Variants in KCND2 observed in about 807,000 individuals in gnomAD.
KCND2 encodes A-type voltage-gated potassium channel KCND2.
Under a neutral mutation model 54.4 loss-of-function variants are expected in KCND2, and 16 were observed. The ratio of observed to expected loss-of-function variants is 0.29; its 90% confidence interval spans 0.20 to 0.45. The LOEUF is 0.45. Ranked by LOEUF, KCND2 falls within the 20% of genes least tolerant of loss-of-function variation. The probability of loss-of-function intolerance (pLI) is 1.00; values close to 1 mark genes in which losing one functional copy is unlikely to be tolerated. For missense variants in KCND2, 486 were observed against 824.2 expected (o/e 0.59, Z 5.02); for synonymous variants, 317 against 310.7 (o/e 1.02, Z -0.21).
intron 1 of KCND2, among the ~76,000 whole-genome samples, chr7:120,680,770 A>AT (rs1198151532): frequency 5.9e-5 from 9 of 152,214 alleles, no homozygotes; most frequent in African/African-American, 1.9e-4. Flanking sequence ...AAATCCCTTC[A>AT]TTTTAGAGCA....
intron 1 of KCND2, among the ~76,000 whole-genome samples, chr7:120,661,354 A>G (rs1047598077): frequency 6.6e-6 from 1 of 152,136 alleles, no homozygotes. Context: ...CACCTCAGTA[A>G]AAGAAAAAAG....
intron 1 of KCND2, among the ~76,000 whole-genome samples, chr7:120,416,131 A>G (rs1242473514): frequency 1.3e-5 from 2 of 152,132 alleles, no homozygotes; most frequent in Non-Finnish European, 2.9e-5. Context: ...ACCTGCCCAT[A>G]TCTTCTCTTA....
chr7:120,352,733 T>C (rs1183309591), intron 1 of KCND2, among the ~76,000 whole-genome samples: 1 of 152,112 alleles, frequency 6.6e-6, no homozygotes, highest in East Asian at 1.9e-4. Flanking sequence ...TTTAAACTGG[T>C]AATTAGGTAG....
chr7:120,358,359 T>A (rs907926765), intron 1 of KCND2, among the ~76,000 whole-genome samples: 1 of 152,152 alleles, frequency 6.6e-6, no homozygotes, highest in Non-Finnish European at 1.5e-5. Flanking sequence ...GTTTTGTTTT[T>A]ATTTTCAATG....
Position 120,463,376 on chromosome 7 carries a change from A to G in KCND2, c.1115+187629A>G, listed in dbSNP as rs567573157. On this transcript the variant is annotated intron_variant, in intron 1 of 5. Coordinates refer to ENST00000331113, the MANE Select transcript of KCND2 (RefSeq NM_012281.3). ...ATGTATAATCTCTAAAGTTAGATGCATAGGTATATAAGCAAGCATTAAATT... is the reference window on the plus strand; with the variant it reads ...ATGTATAATCTCTAAAGTTAGATGCGTAGGTATATAAGCAAGCATTAAATT... Among the ~76,000 whole-genome samples, 34 of 140,272 alleles carry G rather than the reference A, an allele frequency of 2.4e-4. No individual in the cohort carries two copies. The South Asian group carries it at 7.6e-3, about 31-fold the overall frequency. The allele number at this position is 140,272 out of a possible 152,430, so 92.0% of individuals were successfully genotyped here.
chr7:120,374,161 A>G (rs1038985465), intron 1 of KCND2, among the ~76,000 whole-genome samples: 1 of 151,706 alleles, frequency 6.6e-6, no homozygotes, highest in Non-Finnish European at 1.5e-5. Context: ...ACCTATTTTT[A>G]ACTTGGAATT....
At chr7:120,403,493 T>G in intron 1 of KCND2, among the ~76,000 whole-genome samples, 1 of 151,164 alleles carries the variant, frequency 6.6e-6, no homozygotes, top group African/African-American at 2.4e-5. Flanking sequence ...TTTTTTTTTT[T>G]TTTTTTTTGG....
chr7:120,498,067 C>T (rs1802875669), intron 1 of KCND2, among the ~76,000 whole-genome samples: 1 of 152,138 alleles, frequency 6.6e-6, no homozygotes, highest in Admixed American at 6.5e-5. Context: ...AAGAGATATC[C>T]ATTTATCAAC....
In KCND2 at chr7:120,349,885, T is replaced by C. The variant is rs556980224; in HGVS notation, c.1115+74138T>C. On this transcript the variant is annotated intron_variant, in intron 1 of 5. Coordinates refer to ENST00000331113, the MANE Select transcript of KCND2 (RefSeq NM_012281.3). ...TGTAATAAGAACAATGAAATCTTAATGATTTTTACTACTTATTCTCTTTAG... is the reference window on the plus strand; with the variant it reads ...TGTAATAAGAACAATGAAATCTTAACGATTTTTACTACTTATTCTCTTTAG... Among the ~76,000 whole-genome samples, 130 of 152,292 alleles carry C rather than the reference T, an allele frequency of 8.5e-4. No homozygotes were observed. The Middle Eastern group carries it at 0.01, about 12-fold the overall frequency.
At chr7:120,334,666 AGGTCACAT>A (rs1213751503) in intron 1 of KCND2, among the ~76,000 whole-genome samples, 1 of 152,310 alleles carries the variant, frequency 6.6e-6, no homozygotes, top group African/African-American at 2.4e-5. Flanking sequence ...GGCTCCACAG[AGGTCACAT>A]GGTTTTCAGT....
chr7:120,433,833 A>T (rs1801829045), intron 1 of KCND2, among the ~76,000 whole-genome samples: 1 of 152,222 alleles, frequency 6.6e-6, no homozygotes, highest in Admixed American at 6.5e-5. Context: ...AAAACATGAA[A>T]TAAAAGAAGT....
At chr7:120,300,770 C>T (rs1229437983) in intron 1 of KCND2, among the ~76,000 whole-genome samples, 1 of 151,998 alleles carries the variant, frequency 6.6e-6, no homozygotes, top group Non-Finnish European at 1.5e-5. Flanking sequence ...TTTTTATAGG[C>T]CAACTTTGCC....
intron 1 of KCND2, among the ~76,000 whole-genome samples, chr7:120,369,829 T>A (rs1800741380): frequency 6.6e-6 from 1 of 152,062 alleles, no homozygotes; most frequent in African/African-American, 2.4e-5. Context: ...TTACTTGGAA[T>A]CAATGAACAA....
intron 1 of KCND2, among the ~76,000 whole-genome samples, chr7:120,670,463 G>C (rs1791977708): frequency 6.6e-6 from 1 of 152,082 alleles, no homozygotes; most frequent in African/African-American, 2.4e-5. Flanking sequence ...CCTGTCATAG[G>C]TCCATGGATT....
chr7:120,354,029 G>A (rs566901334), intron 1 of KCND2, among the ~76,000 whole-genome samples: 6 of 152,102 alleles, frequency 3.9e-5, no homozygotes, highest in South Asian at 4.2e-4. Context: ...GGAAATATAC[G>A]TAGAGTACTT....
chr7:120,530,687 A>G (rs1322526379), intron 1 of KCND2, among the ~76,000 whole-genome samples: 1 of 151,998 alleles, frequency 6.6e-6, no homozygotes, highest in Non-Finnish European at 1.5e-5. Flanking sequence ...AACATGTCCA[A>G]AACTTTATTT....
At chr7:120,732,303 G>A (rs1368488932) in intron 1 of KCND2, among the ~76,000 whole-genome samples, 1 of 152,134 alleles carries the variant, frequency 6.6e-6, no homozygotes, top group Non-Finnish European at 1.5e-5. Context: ...TAATACTAAA[G>A]CCAAGAATAA....
chr7:120,550,348 A>C (rs1465702680), intron 1 of KCND2, among the ~76,000 whole-genome samples: 9 of 152,102 alleles, frequency 5.9e-5, no homozygotes, highest in Non-Finnish European at 1.2e-4. Context: ...TTCAGCGGTA[A>C]GTCAGAAATT....
At chr7:120,353,980 T>G (rs544587416) in intron 1 of KCND2, among the ~76,000 whole-genome samples, 1 of 152,228 alleles carries the variant, frequency 6.6e-6, no homozygotes, top group Non-Finnish European at 1.5e-5. Flanking sequence ...ATCTCAACCT[T>G]TGAGATTTTA....
Sources: allele counts gnomAD v4.1 joint callset (sites outside exome capture counted in the v4.1 genomes callset), GRCh38; gene constraint gnomAD v4.1.1; transcripts MANE v1.5; gene names NCBI Gene and HGNC (gene_info 2026-07-23, HGNC 2026-07-21).